ZGRF1: variants seen among roughly 807,000 people sequenced by gnomAD.
The protein encoded by ZGRF1 is 5'-3' DNA helicase ZGRF1.
A neutral mutation model predicts 203.5 loss-of-function variants in ZGRF1; 196 were observed. That is an observed-to-expected ratio of 0.96 (90% CI 0.86 to 1.08). The LOEUF (loss-of-function observed/expected upper bound fraction) is 1.08. ZGRF1 is among the 50% of genes least tolerant of loss of function. The pLI, the probability that ZGRF1 is intolerant of heterozygous loss-of-function variation, is 0.00. For synonymous variants in ZGRF1, 809 were observed against 841.3 expected (o/e 0.96, Z 0.66); for missense variants, 2,326 against 2,416.3 (o/e 0.96, Z 0.78).
chr4:112,590,008 C>A lies in ZGRF1; in HGVS notation c.2977-134G>T, dbSNP rs1420511654. On this transcript the variant is annotated intron_variant, in intron 10 of 27. Coordinates refer to ENST00000505019, the MANE Select transcript of ZGRF1 (RefSeq NM_018392.5). Reference sequence around the variant, plus strand: ...TTATGTAGAGCTATGGTGGGGGCAACAACTATAAAACTTCTTCCAAAAAGG... The same window carrying A: ...TTATGTAGAGCTATGGTGGGGGCAAAAACTATAAAACTTCTTCCAAAAAGG... The A allele has an allele frequency of 5.4e-6, 3 of 552,300 alleles. No individual in the cohort carries two copies. The African/African-American group carries it at 5.7e-5, about 11-fold the overall frequency. 34.2% of individuals were successfully genotyped at this position (552,300 alleles called of 1,614,324 possible).
chr4:112,558,898 ATC>A (rs943602114), intron 19 of ZGRF1, among the ~76,000 whole-genome samples: 20 of 152,370 alleles, frequency 1.3e-4, no homozygotes, highest in African/African-American at 4.8e-4. Flanking sequence ...AAGAAAATCT[ATC>A]TCTGTTTTGA....
At position 112,603,616 on chromosome 4, in the gene ZGRF1, A is replaced by C. The variant is rs1399204719; in HGVS notation, c.2884T>G (p.Cys962Gly). The stretch of plus-strand genomic sequence containing the variant: ...TCAGTGCTATCTGGAAACTGACTGC[A>C]TCCTAGCTGTGAGCTGTGTCCTCTG... ...MVRGHSSQLGCSQFPDSTEYE... is the reference protein window; with the variant it reads ...MVRGHSSQLGGSQFPDSTEYE... The change falls in exon 10 of 28, where the codon TGC becomes GGC. Residue 962 changes from cysteine (C) to glycine (G), a missense_variant. Coordinates refer to ENST00000505019, the MANE Select transcript of ZGRF1 (RefSeq NM_018392.5). 1 of 1,613,932 alleles carries C rather than the reference A, an allele frequency of 6.2e-7. No individual in the cohort carries two copies. The highest frequency in any genetic ancestry group is 8.5e-7 in the Non-Finnish European group (1 of 1,179,822).
At chr4:112,633,910 T>C (rs2047493825) in intron 1 of ZGRF1, among the ~76,000 whole-genome samples, 1 of 152,132 alleles carries the variant, frequency 6.6e-6, no homozygotes, top group Non-Finnish European at 1.5e-5. Context: ...TGGGAACTAG[T>C]AAGAAATGAC....
intron 16 of ZGRF1, among the ~76,000 whole-genome samples, chr4:112,566,645 T>C (rs1378375906): frequency 6.6e-6 from 1 of 152,202 alleles, no homozygotes; most frequent in Non-Finnish European, 1.5e-5. Flanking sequence ...TCATCTAAGA[T>C]GCTGAATTAG....
intron 16 of ZGRF1, among the ~76,000 whole-genome samples, chr4:112,575,417 T>TG: frequency 6.6e-6 from 1 of 151,996 alleles, no homozygotes; most frequent in Admixed American, 6.5e-5. Context: ...TGGGGAGTGT[T>TG]GGACAGTGGG....
In ZGRF1 at chr4:112,564,898, G is replaced by A. The variant is rs190827254; in HGVS notation, c.4439-1624C>T. ...GAATTGTGTTCGCAGCCGCCACCGC[G>A]CCGCCGTCGCTCTCCAACGCCAGCG... On this transcript the variant is annotated intron_variant, in intron 16 of 27. Coordinates refer to ENST00000505019, the MANE Select transcript of ZGRF1 (RefSeq NM_018392.5). 2.6e-3 allele frequency: 1,685 copies of A among 652,000 alleles called. 13 individuals carry two copies. The highest frequency in any genetic ancestry group is 0.014 in the South Asian group (768 of 55,556). The allele number at this position is 652,000 out of a possible 1,614,324, so 40.4% of individuals were successfully genotyped here. A position where few individuals can be genotyped will look rare whatever the true frequency, so the allele number is the denominator to read the frequency against.
In ZGRF1 at chr4:112,584,070, T is replaced by A; in HGVS notation, c.4206A>T (p.Arg1402=). The A allele has an allele frequency of 6.2e-7, 1 of 1,613,528 alleles. No homozygotes were observed. The highest frequency in any genetic ancestry group is 8.5e-7 in the Non-Finnish European group (1 of 1,179,544). ...TAATATCACTTAAAACCATGCCAGGTCGAGCTCCTTCCTGTGTTGAATATC... is the reference window on the plus strand; with the variant it reads ...TAATATCACTTAAAACCATGCCAGGACGAGCTCCTTCCTGTGTTGAATATC... ...TPGYSTQEGA[R]PGMVLSDIKS... Residue 1402 remains arginine (R), a synonymous_variant, in exon 15 of 28, where the codon CGA becomes CGT. Coordinates refer to ENST00000505019, the MANE Select transcript of ZGRF1 (RefSeq NM_018392.5).
chr4:112,601,102 CA>C (rs111982841), intron 10 of ZGRF1, among the ~76,000 whole-genome samples: 5,114 of 120,332 alleles, frequency 0.042, 103 homozygotes, highest in Middle Eastern at 0.13. Flanking sequence ...GACTCCATCT[CA>C]AAAAAAAAAA....
At chr4:112,547,509 G>C (rs1739053997) in intron 23 of ZGRF1, 101 bp from the exon 24 acceptor site, 2 of 1,058,556 alleles carry the variant, frequency 1.9e-6, no homozygotes, top group Non-Finnish European at 1.4e-6. Flanking sequence ...ATATTCAAAT[G>C]CCATGAAGTA....
At chr4:112,596,474 T>C (rs1749034901) in intron 10 of ZGRF1, among the ~76,000 whole-genome samples, 1 of 152,170 alleles carries the variant, frequency 6.6e-6, no homozygotes, top group Admixed American at 6.5e-5. Context: ...AAATATATTT[T>C]TTAAAAAGTT....
At chr4:112,558,441 C>T (rs1369389212) in intron 19 of ZGRF1, 132 bp from the exon 20 acceptor site, 6 of 654,456 alleles carry the variant, frequency 9.2e-6, no homozygotes, top group Non-Finnish European at 1.4e-5. Context: ...AATCTCAGCT[C>T]ACTGTAACCT....
intron 15 of ZGRF1, 145 bp from the exon 16 acceptor site, chr4:112,581,947 T>C (rs1174931532): frequency 5.0e-6 from 2 of 396,222 alleles, no homozygotes; most frequent in Non-Finnish European, 8.8e-6. Context: ...ATATACTGTA[T>C]CAAAGTAAGA....
chr4:112,618,850 A>G lies in ZGRF1; in HGVS notation c.1192T>C (p.Trp398Arg). 6.2e-7 allele frequency: 1 copy of G among 1,613,536 alleles called. No individual in the cohort carries two copies. Among genetic ancestry groups the G allele is most frequent in the South Asian group, 1.1e-5 (1 of 91,068 alleles). The change falls in exon 6 of 28, where the codon TGG becomes CGG. Residue 398 changes from tryptophan to arginine, a missense_variant. By Grantham distance (101) the Trp-to-Arg change is moderately radical. Transcript: ENST00000505019. Reference sequence around the variant, plus strand: ...ATTTCTAATTTTACTTCCTGATTCCAGGATGGATCATTATTACCGACTGAC... The same window carrying G: ...ATTTCTAATTTTACTTCCTGATTCCGGGATGGATCATTATTACCGACTGAC... ...DQSVGNNDPS[W>R]NQEVKLEIPS...
chr4:112,620,280 T>C, intron 4 of ZGRF1, 90 bp from the exon 5 acceptor site: 3 of 884,344 alleles, frequency 3.4e-6, no homozygotes, highest in Middle Eastern at 3.6e-4. Flanking sequence ...ACACAATGGG[T>C]GTTCAATAAA....
At chr4:112,558,482 C>T (rs1450344403) in intron 19 of ZGRF1, among the ~76,000 whole-genome samples, 173 bp from the exon 20 acceptor site, 1 of 152,226 alleles carries the variant, frequency 6.6e-6, no homozygotes, top group Non-Finnish European at 1.5e-5. Flanking sequence ...ATTCTCCTGT[C>T]TCAGCCTCCC....
chr4:112,564,858 T>C (rs1742707046), intron 16 of ZGRF1: 2 of 608,424 alleles, frequency 3.3e-6, no homozygotes, highest in Middle Eastern at 4.4e-4. Context: ...GGTCACATTA[T>C]AAATTCTTTT....
At chr4:112,606,328 G>A (rs184616320) in intron 8 of ZGRF1, among the ~76,000 whole-genome samples, 1 of 152,300 alleles carries the variant, frequency 6.6e-6, no homozygotes, top group East Asian at 1.9e-4. Context: ...AGAAAATTCT[G>A]ATTCTAAATT....
intron 20 of ZGRF1, among the ~76,000 whole-genome samples, chr4:112,557,390 G>T (rs1490998716): frequency 6.6e-6 from 1 of 152,120 alleles, no homozygotes; most frequent in East Asian, 1.9e-4. Context: ...GGCCAAGCTG[G>T]TGTTGAACTT....
At chr4:112,627,729 GAC>G (rs1377488012) in intron 3 of ZGRF1, among the ~76,000 whole-genome samples, 1 of 152,176 alleles carries the variant, frequency 6.6e-6, no homozygotes, top group Non-Finnish European at 1.5e-5. Context: ...GACAGTGGAA[GAC>G]TTCTACTCAA....
Sources: allele counts gnomAD v4.1 joint callset (sites outside exome capture counted in the v4.1 genomes callset), GRCh38; gene constraint gnomAD v4.1.1; transcripts MANE v1.5; gene names NCBI Gene and HGNC (gene_info 2026-07-23, HGNC 2026-07-21).